The following ARMC2 variants were observed in gnomAD, a reference collection of about 807,000 sequenced individuals.
ARMC2 encodes the protein armadillo repeat containing 2, also known as armadillo repeat-containing protein 2.
ARMC2 carries 67 observed loss-of-function variants against 90.3 expected under a neutral mutation model. That is an observed-to-expected ratio of 0.74 (90% CI 0.61 to 0.91). The LOEUF is 0.91. Ranked by LOEUF, ARMC2 falls within the 40% of genes least tolerant of loss-of-function variation. ARMC2 has a pLI of 0.00. For synonymous variants in ARMC2, 393 were observed against 393.0 expected (o/e 1.00, Z 0.00); for missense variants, 920 against 1,030.9 (o/e 0.89, Z 1.47).
rs761740150 is a variant in ARMC2, at chr6:108,961,581, C to G, written c.1925C>G (p.Ser642Ter). 1 of 1,607,850 alleles carries G rather than the reference C, an allele frequency of 6.2e-7. No individual in the cohort carries two copies. Among genetic ancestry groups the G allele is most frequent in the African/African-American group, 1.3e-5 (1 of 74,676 alleles). The change falls in exon 14 of 18, where the codon TCA becomes TGA. Residue 642 changes from serine (S) to a stop codon, truncating the protein, a stop_gained. Coordinates refer to ENST00000392644, the MANE Select transcript of ARMC2 (RefSeq NM_032131.6). LOFTEE classifies it high-confidence loss of function. ...GLLLTTLEYK[S>*]LDDCEELVIN... Reference sequence around the variant, plus strand: ...CCTTACTTCATTTCAGAATACAAGTCACTTGATGATTGTGAGGAGCTGGTG... The same window carrying G: ...CCTTACTTCATTTCAGAATACAAGTGACTTGATGATTGTGAGGAGCTGGTG...
At chr6:108,882,203 G>A (rs1010616519) in intron 5 of ARMC2, among the ~76,000 whole-genome samples, 2 of 151,894 alleles carry the variant, frequency 1.3e-5, no homozygotes, top group Admixed American at 6.6e-5. Flanking sequence ...TTGGGAGGCC[G>A]AGGCGGGCAG....
intron 12 of ARMC2, among the ~76,000 whole-genome samples, chr6:108,946,676 AG>A (rs1776832872): frequency 6.6e-6 from 1 of 152,232 alleles, no homozygotes; most frequent in Non-Finnish European, 1.5e-5. Flanking sequence ...TCTGGTTAAT[AG>A]AGAGTTCGGA....
intron 1 of ARMC2, among the ~76,000 whole-genome samples, chr6:108,850,602 CT>C (rs1562312508): frequency 6.6e-6 from 1 of 152,202 alleles, no homozygotes; most frequent in Non-Finnish European, 1.5e-5. Flanking sequence ...CTGAACTCAT[CT>C]GACCACATAA....
At chr6:109,052,437 T>C in the ARMC2 span, among the ~76,000 whole-genome samples, 1 of 152,224 alleles carries the variant, frequency 6.6e-6, no homozygotes, top group African/African-American at 2.4e-5. Flanking sequence ...ACTGCTATTA[T>C]AACACACTGG....
the ARMC2 span, among the ~76,000 whole-genome samples, chr6:109,036,736 C>G: frequency 1.3e-5 from 2 of 152,112 alleles, no homozygotes; most frequent in Admixed American, 1.3e-4. Context: ...GAAGTGCTAC[C>G]ACAATTTTAG....
the ARMC2 span, among the ~76,000 whole-genome samples, chr6:109,041,828 A>G: frequency 2.6e-5 from 4 of 152,208 alleles, no homozygotes; most frequent in Admixed American, 6.5e-5. Flanking sequence ...AGAGGAACTC[A>G]ACAATATTAT....
chr6:108,927,918 A>T (rs1021649179), intron 10 of ARMC2, among the ~76,000 whole-genome samples, 170 bp from the exon 11 acceptor site: 1 of 152,186 alleles, frequency 6.6e-6, no homozygotes, highest in East Asian at 1.9e-4. Flanking sequence ...CTTTGTTTTC[A>T]TTTGTTGCTA....
At chr6:108,871,010 T>G (rs1582968797) in intron 4 of ARMC2, among the ~76,000 whole-genome samples, 1 of 152,088 alleles carries the variant, frequency 6.6e-6, no homozygotes, top group Non-Finnish European at 1.5e-5. Flanking sequence ...CTCTGAAAGG[T>G]ATCTTTGAGG....
chr6:108,904,177 T>C, intron 7 of ARMC2, 53 bp from the exon 8 acceptor site: 1 of 1,585,362 alleles, frequency 6.3e-7, no homozygotes, highest in Non-Finnish European at 8.6e-7. Context: ...TTGACACACT[T>C]GGAAACTTAA....
At chr6:109,004,931 T>A in the ARMC2 span, among the ~76,000 whole-genome samples, 1,008 of 152,286 alleles carry the variant, frequency 6.6e-3, 42 homozygotes, top group East Asian at 0.11. Flanking sequence ...TAATTGTTTA[T>A]ATATTGCTGA....
chr6:108,935,858 G>C (rs72933394), intron 11 of ARMC2, among the ~76,000 whole-genome samples: 1 of 151,154 alleles, frequency 6.6e-6, no homozygotes, highest in Non-Finnish European at 1.5e-5. Context: ...CCAAAAAAAA[G>C]GTTTTTTTAA....
rs528539288 is a variant in ARMC2 at position 108,859,907 on chromosome 6, G to C, written c.291+1636G>C. ...CAATCCCAGCCACTAGGGAAGCTGA[G>C]ACAAGAGAATTGCTTGAACTCGGGA... On this transcript the variant is annotated intron_variant, in intron 3 of 17. Coordinates refer to ENST00000392644, the MANE Select transcript of ARMC2 (RefSeq NM_032131.6). 8.4e-4 allele frequency among the ~76,000 whole-genome samples: 127 copies of C among 151,758 alleles called. 1 individual carries two copies. Among genetic ancestry groups the C allele is most frequent in the African/African-American group, 3.0e-3 (123 of 41,366 alleles).
At chr6:108,901,238 T>C (rs1326492812) in intron 7 of ARMC2, among the ~76,000 whole-genome samples, 8 of 148,150 alleles carry the variant, frequency 5.4e-5, no homozygotes, top group Non-Finnish European at 1.0e-4. Context: ...CTCAGCCTCT[T>C]GAGTAGCTGG....
chr6:108,917,027 C>T (rs1774033556), intron 10 of ARMC2, among the ~76,000 whole-genome samples: 1 of 152,144 alleles, frequency 6.6e-6, no homozygotes, highest in Admixed American at 6.6e-5. Context: ...TATAGGTGTA[C>T]AATGTAACTA....
chr6:109,036,237 C>T, the ARMC2 span, among the ~76,000 whole-genome samples: 2 of 152,182 alleles, frequency 1.3e-5, no homozygotes, highest in Admixed American at 6.5e-5. Flanking sequence ...ATCTAAATGT[C>T]ATTACTGCTT....
At chr6:108,867,630 G>A (rs1775951646) in intron 3 of ARMC2, among the ~76,000 whole-genome samples, 5 of 152,158 alleles carry the variant, frequency 3.3e-5, no homozygotes, top group Admixed American at 3.3e-4. Flanking sequence ...AATTAGCCAA[G>A]TGTGCTGGTG....
chr6:109,049,586 CCTGAT>C, the ARMC2 span, among the ~76,000 whole-genome samples: 1 of 151,820 alleles, frequency 6.6e-6, no homozygotes, highest in African/African-American at 2.4e-5. Flanking sequence ...TGCTAATTAT[CCTGAT>C]CTGATCACTG....
At chr6:108,924,157 G>C (rs2754819) in intron 10 of ARMC2, 122,764 of 152,112 alleles carry the variant, frequency 0.81, 49,709 homozygotes, top group South Asian at 0.86. Flanking sequence ...GAAGAGGAAG[G>C]AGAGGAAGTG....
chr6:108,967,509 C>CAGGTAA, intron 17 of ARMC2, among the ~76,000 whole-genome samples: 1 of 152,078 alleles, frequency 6.6e-6, no homozygotes, highest in Admixed American at 6.5e-5. Flanking sequence ...TTACAGTCAC[C>CAGGTAA]CCTTGGTATC....
Sources: allele counts gnomAD v4.1 joint callset (sites outside exome capture counted in the v4.1 genomes callset), GRCh38; gene constraint gnomAD v4.1.1; transcripts MANE v1.5; gene names NCBI Gene and HGNC (gene_info 2026-07-23, HGNC 2026-07-21).